Variants in GCN1 observed in about 807,000 individuals in gnomAD.
The protein encoded by GCN1 is stalled ribosome sensor GCN1.
Under a neutral mutation model 288.4 loss-of-function variants are expected in GCN1, and 90 were observed. That is an observed-to-expected ratio of 0.31 (90% CI 0.26 to 0.37). GCN1 has a LOEUF of 0.37. Ranked by LOEUF, GCN1 falls within the 10% of genes least tolerant of loss-of-function variation. The pLI is 1.00. For missense variants in GCN1, 2,586 were observed against 3,419.9 expected (o/e 0.76, Z 6.08); for synonymous variants, 1,386 against 1,420.2 (o/e 0.98, Z 0.54).
intron 16 of GCN1, 100 bp from the exon 17 acceptor site, chr12:120,164,821 C>T (rs1335538596): frequency 2.8e-6 from 2 of 722,000 alleles, no homozygotes; most frequent in East Asian, 2.7e-5. Flanking sequence ...AAAATTAACA[C>T]CAAAATATAA....
chr12:120,173,602 T>C (rs1315699955), intron 14 of GCN1, 51 bp downstream of exon 14: 2 of 1,061,440 alleles, frequency 1.9e-6, no homozygotes, highest in South Asian at 2.7e-5. Context: ...CCCTAAAGAC[T>C]CAGTAACCTC....
At position 120,156,730 on chromosome 12, in the gene GCN1, G is replaced by T; in HGVS notation, c.3169-126C>A. 1 of 1,045,126 alleles carries T rather than the reference G, an allele frequency of 9.6e-7. No homozygotes were observed. The highest frequency in any genetic ancestry group is 1.4e-6 in the Non-Finnish European group (1 of 698,640). 64.7% of individuals were successfully genotyped at this position (1,045,126 alleles called of 1,614,324 possible). ...AAGGGCTAAGACCCCAGCTCCAGTG[G>T]CAGGACCCAAGCAAAACCCCTCACT... On this transcript the variant is annotated intron_variant, in intron 27 of 57. Transcript: ENST00000300648. The surrounding 1 kb of genome is among the most constrained non-coding windows in gnomAD (Gnocchi z 5.8).
At chr12:120,174,283 A>G in intron 12 of GCN1, 114 bp from the exon 13 acceptor site, 1 of 673,676 alleles carries the variant, frequency 1.5e-6, no homozygotes, top group Non-Finnish European at 2.8e-6. Context: ...TGTCTCCAGC[A>G]GGCATACCTC....
chr12:120,145,131 A>C (rs1877324263), intron 39 of GCN1, 70 bp from the exon 40 acceptor site: 2 of 1,593,154 alleles, frequency 1.3e-6, no homozygotes, highest in African/African-American at 1.3e-5. Flanking sequence ...ACATGGGAGC[A>C]GGAAGGGGCA....
At chr12:120,140,235 C>T (rs991880606) in intron 45 of GCN1, among the ~76,000 whole-genome samples, 4 of 152,184 alleles carry the variant, frequency 2.6e-5, no homozygotes, top group Non-Finnish European at 4.4e-5. Context: ...ATTGCTTTGG[C>T]GTTTTCATCC....
In GCN1 at chr12:120,127,292, TA is replaced by T; in HGVS notation, c.*556del. ...ATCAAGATTAAATCAAAGCCTTTAT[TA>T]AACATTCCTCTTTCAAACAGCCTTT... is the stretch of plus-strand genomic sequence containing the variant. On this transcript the variant is annotated 3_prime_UTR_variant, in exon 58 of 58. Coordinates refer to ENST00000300648, the MANE Select transcript of GCN1 (RefSeq NM_006836.2). 6.5e-6 allele frequency: 1 copy of T among 152,812 alleles called. No homozygotes were observed. Among genetic ancestry groups the T allele is most frequent in the African/African-American group, 2.4e-5 (1 of 41,570 alleles). 9.5% of individuals were successfully genotyped at this position (152,812 alleles called of 1,614,324 possible). A position where few individuals can be genotyped will look rare whatever the true frequency, so the allele number is the denominator to read the frequency against.
chr12:120,147,016 T>C, intron 38 of GCN1, 36 bp downstream of exon 38: 1 of 1,302,232 alleles, frequency 7.7e-7, no homozygotes, highest in East Asian at 2.5e-5. Flanking sequence ...AAACATCTTC[T>C]GGTCTATCCC....
intron 22 of GCN1, 136 bp downstream of exon 22, chr12:120,161,354 G>A (rs1276217223): frequency 4.5e-6 from 3 of 665,084 alleles, no homozygotes. Flanking sequence ...ACCAGACACT[G>A]GTCAGGGGCA....
intron 26 of GCN1, 117 bp downstream of exon 26, chr12:120,157,732 A>T: frequency 1.2e-6 from 1 of 824,406 alleles, no homozygotes; most frequent in Non-Finnish European, 1.9e-6. Flanking sequence ...TGCTGTTGGT[A>T]TAAACATACA....
At position 120,190,305 on chromosome 12, in the gene GCN1, A is replaced by C. The variant is rs1240900895; in HGVS notation, c.114T>G (p.Ala38=). 6.6e-7 allele frequency: 1 copy of C among 1,517,426 alleles called. No individual in the cohort carries two copies. The highest frequency in any genetic ancestry group is 1.7e-5 in the Admixed American group (1 of 59,846). The allele number at this position is 1,517,426 out of a possible 1,614,324, so 94.0% of individuals were successfully genotyped here. ...EILSELGKCV[A]GKDLPEGAVK... ...TGGATGAAAAATAAATACCTTTTCCAGCAACACACTTCCCAAGTTCACTGA... is the reference window on the plus strand; with the variant it reads ...TGGATGAAAAATAAATACCTTTTCCCGCAACACACTTCCCAAGTTCACTGA... Residue 38 remains alanine (A), a synonymous_variant, in exon 2 of 58, where the codon GCT becomes GCG. Coordinates refer to ENST00000300648, the MANE Select transcript of GCN1 (RefSeq NM_006836.2).
At chr12:120,184,749 T>C (rs1878768651) in intron 3 of GCN1, 75 bp downstream of exon 3, 1 of 1,092,042 alleles carries the variant, frequency 9.2e-7, no homozygotes, top group Non-Finnish European at 1.4e-6. Context: ...GGCTCTAATC[T>C]GGGCTCTAAC....
At chr12:120,128,026 C>A (rs80237917) in intron 57 of GCN1, 52 bp from the exon 58 acceptor site, 2 of 1,593,610 alleles carry the variant, frequency 1.3e-6, no homozygotes. Flanking sequence ...ACGGCTGCCA[C>A]GTTCTCCAAT....
chr12:120,127,801 C>T lies in GCN1; in HGVS notation c.*48G>A. On this transcript the variant is annotated 3_prime_UTR_variant, in exon 58 of 58. Coordinates refer to ENST00000300648, the MANE Select transcript of GCN1 (RefSeq NM_006836.2). ...ACAAATGTATTTTCAAAAATGAAAA[C>T]ATTGAGCAAAGATGTGGAGCGGCAA... 1 of 1,588,412 alleles carries T rather than the reference C, an allele frequency of 6.3e-7. No individual in the cohort carries two copies. The highest frequency in any genetic ancestry group is 8.6e-7 in the Non-Finnish European group (1 of 1,163,258).
Position 120,144,706 on chromosome 12 carries a change from T to C in GCN1, c.5285A>G (p.Tyr1762Cys). 6.2e-7 allele frequency: 1 copy of C among 1,614,046 alleles called. No homozygotes were observed. Residue 1762 changes from tyrosine to cysteine, a missense_variant, in exon 41 of 58, where the codon TAC (tyrosine) becomes TGC (cysteine). By Grantham distance (194) the Tyr-to-Cys change is radical. Transcript: ENST00000300648. The surrounding 1 kb of genome is among the most constrained non-coding windows in gnomAD (Gnocchi z 4.7). ...VRDGYIMMFN[Y>C]LPITFGDKFT... ...CTTGTCTCCAAAGGTGATGGGCAGG[T>C]AGTTAAACATCATAATGTAGCCATC...
chr12:120,187,483 T>C (rs887412375), intron 2 of GCN1, among the ~76,000 whole-genome samples: 1 of 152,148 alleles, frequency 6.6e-6, no homozygotes, highest in African/African-American at 2.4e-5. Context: ...CCTAAAGTGC[T>C]GGGATTCCAG....
intron 16 of GCN1, among the ~76,000 whole-genome samples, chr12:120,165,599 C>T (rs1417261612): frequency 3.9e-5 from 6 of 152,054 alleles, no homozygotes; most frequent in Non-Finnish European, 7.4e-5. Flanking sequence ...TCCTGAGTAG[C>T]TGGGATTACA....
At position 120,138,291 on chromosome 12, in the gene GCN1, C is replaced by G; in HGVS notation, c.6249+32G>C. 6.7e-6 allele frequency: 9 copies of G among 1,334,996 alleles called. 1 individual carries two copies. The Middle Eastern group carries it at 5.4e-4, about 80-fold the overall frequency. 82.7% of individuals were successfully genotyped at this position (1,334,996 alleles called of 1,614,324 possible). On this transcript the variant is annotated intron_variant, in intron 47 of 57. Coordinates refer to ENST00000300648, the MANE Select transcript of GCN1 (RefSeq NM_006836.2). ...CCCTGGAAATGTCAATGCCCTGGAG[C>G]CAGAGGGTGTTGACCACATGTTGGG...
In GCN1 at chr12:120,137,520, G is replaced by T; in HGVS notation, c.6663+25C>A. The T allele has an allele frequency of 6.2e-7, 1 of 1,606,792 alleles. No individual in the cohort carries two copies. The highest frequency in any genetic ancestry group is 8.5e-7 in the Non-Finnish European group (1 of 1,174,292). On this transcript the variant is annotated intron_variant, in intron 49 of 57. Transcript: ENST00000300648. The surrounding 1 kb of genome is among the most constrained non-coding windows in gnomAD (Gnocchi z 5.2). ...TGGAATTTTCTAAAAGCAAAAGTTG[G>T]CTGTGGGGTCAGCAGTCCCCTCACC...
intron 1 of GCN1, among the ~76,000 whole-genome samples, chr12:120,193,551 C>T (rs191155459): frequency 1.2e-4 from 18 of 152,284 alleles, no homozygotes; most frequent in South Asian, 6.2e-4. Context: ...CTGATCCACC[C>T]GCCTTGGCCT....
Sources: gnomAD v4.1 joint callset for allele counts (sites outside exome capture counted in the v4.1 genomes callset) on GRCh38, gnomAD v4.1.1 for gene constraint, Gnocchi (gnomAD v3.1) non-coding constraint, MANE v1.5 for transcripts, NCBI Gene and HGNC (gene_info 2026-07-23, HGNC 2026-07-21) for gene names.